The following ARHGAP32 variants were observed in gnomAD, a reference collection of about 807,000 sequenced individuals.
ARHGAP32 encodes Rho GTPase activating protein 32, also known as rho GTPase-activating protein 32.
In ARHGAP32, 51 loss-of-function variants were observed where a neutral mutation model predicts 186.5. That is an observed-to-expected ratio of 0.27 (90% CI 0.22 to 0.35). The LOEUF (loss-of-function observed/expected upper bound fraction) is 0.35. ARHGAP32 is among the 10% of genes least tolerant of loss of function. The probability of loss-of-function intolerance (pLI) is 1.00; values close to 1 mark genes in which losing one functional copy is unlikely to be tolerated. For synonymous variants in ARHGAP32, 950 were observed against 964.3 expected (o/e 0.99, Z 0.27); for missense variants, 2,186 against 2,623.5 (o/e 0.83, Z 3.64).
chr11:129,058,571 C>G (rs1468863941), intron 10 of ARHGAP32, among the ~76,000 whole-genome samples: 4 of 152,214 alleles, frequency 2.6e-5, no homozygotes, highest in Non-Finnish European at 4.4e-5. Flanking sequence ...TTCACCCCTA[C>G]TGAGGCCCCT....
At chr11:129,252,531 C>T (rs1041923773) in intron 1 of ARHGAP32, among the ~76,000 whole-genome samples, 1 of 152,094 alleles carries the variant, frequency 6.6e-6, no homozygotes, top group African/African-American at 2.4e-5. Context: ...TAAAACAGTC[C>T]AGTAAAGCAT....
chr11:128,972,671 T>C lies in ARHGAP32; in HGVS notation c.3835A>G (p.Thr1279Ala). The change falls in exon 22 of 23, where the codon ACA (threonine) becomes GCA (alanine). Residue 1279 changes from threonine to alanine, a missense_variant. Around this residue, in one of 5 missense-constraint regions of ARHGAP32, gnomAD observed 1,502 missense variants for 1,570.0 expected, o/e 0.96. Transcript: ENST00000682385. ...ATTTGGGCTGTTGCTGGAGTAGTTG[T>C]CATGTAAGTCATGGTGGCTGTGCTG... ...NTSTATMTYM[T>A]TTPATAQMST... 1 of 1,614,034 alleles carries C rather than the reference T, an allele frequency of 6.2e-7. No individual in the cohort carries two copies. Among genetic ancestry groups the C allele is most frequent in the Non-Finnish European group, 8.5e-7 (1 of 1,179,992 alleles).
Position 129,200,351 on chromosome 11 carries a change from T to C in ARHGAP32, c.-4-35924A>G, listed in dbSNP as rs544167658. Among the ~76,000 whole-genome samples, 192 of 152,294 alleles carry C rather than the reference T, an allele frequency of 1.3e-3. 3 individuals are homozygous for C. The highest frequency in any genetic ancestry group is 4.3e-3 in the African/African-American group (180 of 41,568). ...ATCTCATCTTGTATTGTAACTCCCA[T>C]AGTTCCCACACGTTGTGGGAGGGAC... On this transcript the variant is annotated intron_variant, in intron 1 of 6. Coordinates refer to the ARHGAP32 transcript ENST00000525234.
chr11:129,259,757 A>C (rs1279091724), intron 1 of ARHGAP32, among the ~76,000 whole-genome samples: 1 of 152,172 alleles, frequency 6.6e-6, no homozygotes, highest in Non-Finnish European at 1.5e-5. Flanking sequence ...TTGTAAGTGG[A>C]GACAGTATTT....
In ARHGAP32 at chr11:128,978,079, C is replaced by A. The variant is rs189951459; in HGVS notation, c.2122+691G>T. 2.0e-3 allele frequency among the ~76,000 whole-genome samples: 301 copies of A among 152,098 alleles called. 2 individuals are homozygous for A. The highest frequency in any genetic ancestry group is 6.8e-3 in the African/African-American group (281 of 41,490). ...ATTTACTTTCTCACACGTATGACTT[C>A]CCAATTTGACTTGGAAGGCAGAGGT... On this transcript the variant is annotated intron_variant, in intron 19 of 22. Coordinates refer to ENST00000682385, the MANE Select transcript of ARHGAP32 (RefSeq NM_001378024.1).
At chr11:129,248,642 G>A (rs534328053) in intron 1 of ARHGAP32, among the ~76,000 whole-genome samples, 2 of 152,062 alleles carry the variant, frequency 1.3e-5, no homozygotes, top group South Asian at 2.1e-4. Context: ...ACATATAAAC[G>A]TCATAACACA....
At chr11:129,202,660 A>G (rs80177332) in intron 1 of ARHGAP32, among the ~76,000 whole-genome samples, 1,773 of 152,298 alleles carry the variant, frequency 0.012, 21 homozygotes, top group Non-Finnish European at 0.02. Flanking sequence ...AATGTTTCCC[A>G]TCCTAACCTA....
Position 129,062,266 on chromosome 11 carries a change from T to C in ARHGAP32, c.963+14A>G, listed in dbSNP as rs1366014011. ...TCCTTTGAATTTTCCCACACCTAAT[T>C]TGCTGCTGCCTACCTGGAATCCGTG... On this transcript the variant is annotated intron_variant, in intron 10 of 22. Transcript: ENST00000682385. 1.9e-6 allele frequency: 3 copies of C among 1,612,152 alleles called. No homozygotes were observed. In the African/African-American group the frequency reaches 4.0e-5, roughly 22 times the overall value.
At position 128,986,624 on chromosome 11, in the gene ARHGAP32, G is replaced by A. The variant is rs1308028761; in HGVS notation, c.1343C>T (p.Pro448Leu). 5 of 1,614,024 alleles carry A rather than the reference G, an allele frequency of 3.1e-6. No homozygotes were observed. Among genetic ancestry groups the A allele is most frequent in the African/African-American group, 1.3e-5 (1 of 75,036 alleles). ...CACAGAATGGATGTCCTGAACATACGGTTCTTTCGTCAGGTCGGGGACGTG... is the reference window on the plus strand; with the variant it reads ...CACAGAATGGATGTCCTGAACATACAGTTCTTTCGTCAGGTCGGGGACGTG... ...SEHVPDLTKE[P>L]YVQDIHSVGS... The change falls in exon 14 of 23, where the codon CCG becomes CTG. Residue 448 changes from proline to leucine, a missense_variant. Around this residue, in one of 5 missense-constraint regions of ARHGAP32, gnomAD observed 308 missense variants for 596.5 expected, o/e 0.52. Transcript: ENST00000682385.
At chr11:129,200,465 A>G (rs1565466872) in intron 1 of ARHGAP32, among the ~76,000 whole-genome samples, 2 of 152,200 alleles carry the variant, frequency 1.3e-5, no homozygotes. Context: ...ATGGTTTTAC[A>G]AGGGGAAACC....
At chr11:129,044,361 G>A (rs1218503254) in intron 10 of ARHGAP32, among the ~76,000 whole-genome samples, 4 of 152,026 alleles carry the variant, frequency 2.6e-5, no homozygotes, top group African/African-American at 7.2e-5. Flanking sequence ...CTGCAGCCGT[G>A]GCAATTTCTA....
At chr11:129,104,845 G>C (rs530936670) in intron 5 of ARHGAP32, among the ~76,000 whole-genome samples, 1 of 152,182 alleles carries the variant, frequency 6.6e-6, no homozygotes, top group Non-Finnish European at 1.5e-5. Flanking sequence ...ATAACCAAGA[G>C]ATCACTGAAT....
At chr11:129,073,900 A>G (rs564937034) in intron 6 of ARHGAP32, among the ~76,000 whole-genome samples, 1 of 152,322 alleles carries the variant, frequency 6.6e-6, no homozygotes, top group East Asian at 1.9e-4. Flanking sequence ...ACATATTCTC[A>G]GAAACCACAG....
At chr11:129,118,080 C>A (rs912665784) in intron 5 of ARHGAP32, among the ~76,000 whole-genome samples, 6 of 151,840 alleles carry the variant, frequency 4.0e-5, no homozygotes, top group Non-Finnish European at 7.4e-5. Flanking sequence ...TGAATCAAAA[C>A]CTGTAGAATT....
At chr11:129,155,408 T>G (rs570091014) in intron 2 of ARHGAP32, among the ~76,000 whole-genome samples, 1 of 152,352 alleles carries the variant, frequency 6.6e-6, no homozygotes, top group East Asian at 1.9e-4. Flanking sequence ...CACAAAACAT[T>G]GTGTTTATCA....
intron 1 of ARHGAP32, among the ~76,000 whole-genome samples, chr11:129,170,237 T>C (rs573545737): frequency 1.3e-5 from 2 of 151,026 alleles, no homozygotes; most frequent in African/African-American, 4.9e-5. Flanking sequence ...GGGATACATA[T>C]GCAGAATGCG....
intron 2 of ARHGAP32, among the ~76,000 whole-genome samples, chr11:129,150,933 TAA>T (rs1177863265): frequency 1.0e-4 from 14 of 139,286 alleles, no homozygotes; most frequent in Admixed American, 1.4e-4. Context: ...CAGAATGAAT[TAA>T]AAAAAAAAAA....
rs767589782 is a variant in ARHGAP32, at chr11:129,088,576, CTCAA to C, written c.531+5041_531+5044del. Among the ~76,000 whole-genome samples, 404 of 152,234 alleles carry C rather than the reference CTCAA, an allele frequency of 2.7e-3. 1 individual carries two copies. Among genetic ancestry groups the C allele is most frequent in the Admixed American group, 4.4e-3 (67 of 15,284 alleles). ...GACTGGTGACAGAGCGAGACTCCTT[CTCAA>C]TCAATCAATCAATCAATAAAATAGA... On this transcript the variant is annotated intron_variant, in intron 6 of 22. Coordinates refer to ENST00000682385, the MANE Select transcript of ARHGAP32 (RefSeq NM_001378024.1).
At chr11:129,139,918 T>G (rs1454183098) in intron 2 of ARHGAP32, among the ~76,000 whole-genome samples, 1 of 152,156 alleles carries the variant, frequency 6.6e-6, no homozygotes, top group Non-Finnish European at 1.5e-5. Context: ...AAAGAGGGTC[T>G]CCCTTGCCCC....
Sources: gnomAD v4.1 joint callset for allele counts (sites outside exome capture counted in the v4.1 genomes callset) on GRCh38, gnomAD v4.1.1 for gene constraint, gnomAD v4.1.1 regional missense constraint, MANE v1.5 for transcripts, NCBI Gene and HGNC (gene_info 2026-07-23, HGNC 2026-07-21) for gene names.